Variants in WBP1L observed in about 807,000 individuals in gnomAD.
The protein encoded by WBP1L is WW domain binding protein 1-like.
Under a neutral mutation model 33.7 loss-of-function variants are expected in WBP1L, and 17 were observed. The observed-to-expected ratio is 0.50, with a 90% CI of 0.34 to 0.76. WBP1L has a LOEUF of 0.76. Ranked by LOEUF, WBP1L falls within the 30% of genes least tolerant of loss-of-function variation. WBP1L has a pLI of 0.01. For synonymous variants in WBP1L, 173 were observed against 190.8 expected (o/e 0.91, Z 0.77); for missense variants, 389 against 469.4 (o/e 0.83, Z 1.58).
intron 1 of WBP1L, among the ~76,000 whole-genome samples, chr10:102,754,063 G>GA (rs1301578874): frequency 1.3e-5 from 2 of 152,086 alleles, no homozygotes; most frequent in African/African-American, 2.4e-5. Flanking sequence ...AACAACAAGG[G>GA]AAAAAACCAC....
At chr10:102,779,804 TGGG>T (rs1311374561) in intron 1 of WBP1L, among the ~76,000 whole-genome samples, 1 of 152,088 alleles carries the variant, frequency 6.6e-6, no homozygotes, top group Non-Finnish European at 1.5e-5. Flanking sequence ...GAGCAGAGCG[TGGG>T]GGCAGGTATC....
intron 1 of WBP1L, among the ~76,000 whole-genome samples, chr10:102,770,940 C>G (rs1445638724): frequency 1.3e-5 from 2 of 152,182 alleles, no homozygotes; most frequent in African/African-American, 2.4e-5. Context: ...AGTCTTCACT[C>G]AAATCCTTGC....
At chr10:102,766,488 A>G (rs10786708) in intron 1 of WBP1L, among the ~76,000 whole-genome samples, 106,447 of 147,114 alleles carry the variant, frequency 0.72, 38,834 homozygotes, top group East Asian at 0.9. Context: ...TGGGCATTGT[A>G]GTAAACGCCT....
intron 1 of WBP1L, among the ~76,000 whole-genome samples, chr10:102,763,085 TC>T (rs1843063046): frequency 6.6e-6 from 1 of 151,816 alleles, no homozygotes; most frequent in African/African-American, 2.4e-5. Context: ...ATGCCTGTTG[TC>T]CCAGCTACTT....
Position 102,813,001 on chromosome 10 carries a change from C to A in WBP1L, c.762C>A (p.Pro254=), listed in dbSNP as rs927737673. Residue 254 remains proline, a synonymous_variant, in exon 4 of 4, where the codon CCC becomes CCA. Coordinates refer to ENST00000448841, the MANE Select transcript of WBP1L (RefSeq NM_001083913.2). ...LKDDSSEHGA[P]DSKEKTPGRH... ...ATGACAGCTCTGAACACGGCGCACC[C>A]GACAGCAAAGAGAAGACGCCTGGGA... The A allele has an allele frequency of 1.2e-6, 2 of 1,613,582 alleles. No individual in the cohort carries two copies. The highest frequency in any genetic ancestry group is 2.2e-5 in the South Asian group (2 of 91,080).
At chr10:102,794,368 A>C (rs1379074430) in intron 1 of WBP1L, among the ~76,000 whole-genome samples, 1 of 152,058 alleles carries the variant, frequency 6.6e-6, no homozygotes, top group East Asian at 1.9e-4. Context: ...AATCCCAGCT[A>C]CTCGGGAGGC....
At position 102,810,081 on chromosome 10, in the gene WBP1L, A is replaced by C. The variant is rs12249161; in HGVS notation, c.355+27A>C. ...TACGTACACCCAAGCCCCCATACCC[A>C]CCCTCAGGAGCTCAGGTGCACAGAC... On this transcript the variant is annotated intron_variant, in intron 3 of 3. Coordinates refer to ENST00000448841, the MANE Select transcript of WBP1L (RefSeq NM_001083913.2). 7,451 of 1,583,658 alleles carry C rather than the reference A, an allele frequency of 4.7e-3. 203 individuals are homozygous for C. The African/African-American group carries it at 0.069, about 15-fold the overall frequency.
intron 1 of WBP1L, among the ~76,000 whole-genome samples, chr10:102,764,321 G>A (rs1394208890): frequency 6.6e-6 from 1 of 152,186 alleles, no homozygotes; most frequent in Non-Finnish European, 1.5e-5. Flanking sequence ...GCCAATGGCT[G>A]TGCTGTGATG....
At chr10:102,792,592 C>CTTTTTTTTTTT (rs11368357) in intron 1 of WBP1L, among the ~76,000 whole-genome samples, 1 of 103,582 alleles carries the variant, frequency 9.7e-6, no homozygotes, top group Non-Finnish European at 2.0e-5. Flanking sequence ...TTTTTCTTTT[C>CTTTTTTTTTTT]TTTTTTTTTT....
chr10:102,784,627 G>T (rs184982126), intron 1 of WBP1L, among the ~76,000 whole-genome samples: 1 of 151,658 alleles, frequency 6.6e-6, no homozygotes, highest in Admixed American at 6.6e-5. Flanking sequence ...GGGTTTCACC[G>T]TGTTAGCCAG....
At chr10:102,748,071 A>C (rs1590163378) in intron 1 of WBP1L, among the ~76,000 whole-genome samples, 1 of 152,104 alleles carries the variant, frequency 6.6e-6, no homozygotes, top group East Asian at 1.9e-4. Context: ...CCTGGCTAAC[A>C]CAGTGAAACC....
At chr10:102,804,100 C>A (rs1270163122) in intron 2 of WBP1L, 1 of 151,974 alleles carries the variant, frequency 6.6e-6, no homozygotes, top group East Asian at 1.9e-4. Flanking sequence ...AAAATTTTTC[C>A]TAAGTTGGCC....
Position 102,743,961 on chromosome 10 carries a change from A to G in WBP1L, c.-93A>G. 9.9e-7 allele frequency: 1 copy of G among 1,011,548 alleles called. No individual in the cohort carries two copies. The highest frequency in any genetic ancestry group is 1.4e-6 in the Non-Finnish European group (1 of 691,558). The allele number at this position is 1,011,548 out of a possible 1,614,324, so 62.7% of individuals were successfully genotyped here. A position where few individuals can be genotyped will look rare whatever the true frequency, so the allele number is the denominator to read the frequency against. ...CGGGAGGGGAGCGTCAAACAGGAAA[A>G]GAAGGGAAGAAGGAAGAAGAGGGTA... On this transcript the variant is annotated 5_prime_UTR_variant, in exon 1 of 4. Transcript: ENST00000448841.
intron 1 of WBP1L, among the ~76,000 whole-genome samples, chr10:102,756,024 G>A (rs1267849630): frequency 6.6e-6 from 1 of 152,042 alleles, no homozygotes; most frequent in Non-Finnish European, 1.5e-5. Context: ...CTAGAGTGCA[G>A]TGGCTAGATA....
Position 102,776,280 on chromosome 10 carries a change from G to A in WBP1L, c.91-21713G>A. On this transcript the variant is annotated intron_variant, in intron 1 of 3. Coordinates refer to ENST00000448841, the MANE Select transcript of WBP1L (RefSeq NM_001083913.2). ...TTGTCTGCTTTGCTAAAGAAGGCCG[G>A]TGAACCAGGACCACCGCACACACAG... 5.0e-6 allele frequency: 8 copies of A among 1,608,682 alleles called. No homozygotes were observed. The South Asian group carries it at 7.7e-5, about 16-fold the overall frequency.
At chr10:102,760,520 G>A (rs12571643) in intron 1 of WBP1L, among the ~76,000 whole-genome samples, 14,276 of 151,834 alleles carry the variant, frequency 0.094, 1,177 homozygotes, top group East Asian at 0.43. Flanking sequence ...GGGATTACGG[G>A]CATGCACCAC....
At chr10:102,755,589 C>T (rs1161619461) in intron 1 of WBP1L, among the ~76,000 whole-genome samples, 1 of 151,654 alleles carries the variant, frequency 6.6e-6, no homozygotes. Context: ...ATCGGGATTT[C>T]ACCATGTTGG....
chr10:102,757,774 A>G (rs59524577), intron 1 of WBP1L, among the ~76,000 whole-genome samples: 3,074 of 147,884 alleles, frequency 0.021, 93 homozygotes, highest in African/African-American at 0.07. Context: ...ACTGGGTTTC[A>G]CTGTGTTGAC....
intron 1 of WBP1L, among the ~76,000 whole-genome samples, chr10:102,796,908 CT>C (rs34059478): frequency 2.0e-5 from 3 of 152,012 alleles, no homozygotes; most frequent in Non-Finnish European, 2.9e-5. Flanking sequence ...ACATGTGAAA[CT>C]TTTTTTTAAA....
Sources: gnomAD v4.1 joint callset for allele counts (sites outside exome capture counted in the v4.1 genomes callset) on GRCh38, gnomAD v4.1.1 for gene constraint, MANE v1.5 for transcripts, NCBI Gene and HGNC (gene_info 2026-07-23, HGNC 2026-07-21) for gene names.